CEACAM5: variants seen among roughly 807,000 people sequenced by gnomAD.
CEACAM5 encodes CEA cell adhesion molecule 5.
CEACAM5 carries 52 observed loss-of-function variants against 63.0 expected under a neutral mutation model. The observed-to-expected ratio is 0.83, with a 90% CI of 0.66 to 1.04. The LOEUF is 1.04. Among genes scored for constraint, CEACAM5 ranks in the 50% least tolerant of loss-of-function variants. CEACAM5 has a pLI of 0.00. For missense variants in CEACAM5, 790 were observed against 864.8 expected, an observed-to-expected ratio of 0.91 and a Z score of 1.08; for synonymous variants, 357 against 351.3, an observed-to-expected ratio of 1.02 and a Z score of -0.18.
intron 8 of CEACAM5, among the ~76,000 whole-genome samples, chr19:41,724,256 G>A (rs913232406): frequency 5.3e-5 from 8 of 152,112 alleles, no homozygotes; most frequent in East Asian, 1.9e-4. Flanking sequence ...TCTTGGCACC[G>A]TTATCAAAAA....
chr19:41,715,190 G>A lies in CEACAM5; in HGVS notation c.644G>A (p.Cys215Tyr). 6.2e-7 allele frequency: 1 copy of A among 1,614,222 alleles called. No homozygotes were observed. Residue 215 changes from cysteine (C) to tyrosine (Y), a missense_variant, in exon 3 of 10, where the codon TGT (cysteine) becomes TAT (tyrosine). By Grantham distance (194) the Cys-to-Tyr change is radical. Transcript: ENST00000221992. ...AGAAATGACACAGCAAGCTACAAAT[G>A]TGAAACCCAGAACCCAGTGAGTGCC... ...VTRNDTASYKCETQNPVSARR... is the reference protein window; with the variant it reads ...VTRNDTASYKYETQNPVSARR...
intron 7 of CEACAM5, among the ~76,000 whole-genome samples, 196 bp downstream of exon 7, chr19:41,720,404 C>T (rs959362015): frequency 3.9e-5 from 6 of 152,104 alleles, no homozygotes; most frequent in Admixed American, 2.0e-4. Flanking sequence ...AGAGGCTGCT[C>T]CTGTCCTAGG....
At position 41,708,766 on chromosome 19, in the gene CEACAM5, G is replaced by T. The variant is rs1555813344; in HGVS notation, c.35G>T (p.Cys12Phe). 1.9e-6 allele frequency: 3 copies of T among 1,611,908 alleles called. No homozygotes were observed. The highest frequency in any genetic ancestry group is 2.5e-6 in the Non-Finnish European group (3 of 1,178,980). The change falls in exon 1 of 10, where the codon TGC (cysteine) becomes TTC (phenylalanine). Residue 12 changes from cysteine to phenylalanine, a missense_variant. By Grantham distance (205) the Cys-to-Phe change is radical. Transcript: ENST00000221992. ...CCCTCGGCCCCTCCCCACAGATGGTGCATCCCCTGGCAGAGGCTCCTGCTC... is the reference window on the plus strand; with the variant it reads ...CCCTCGGCCCCTCCCCACAGATGGTTCATCCCCTGGCAGAGGCTCCTGCTC... ...ESPSAPPHRW[C>F]IPWQRLLLTA...
chr19:41,725,299 C>A (rs1278903242), intron 8 of CEACAM5, among the ~76,000 whole-genome samples: 1 of 150,580 alleles, frequency 6.6e-6, no homozygotes, highest in Non-Finnish European at 1.5e-5. Flanking sequence ...TCATAGCATT[C>A]TTGTAGTCCT....
rs1190065496 is a variant in CEACAM5 at position 41,729,734 on chromosome 19, T to C, written c.*587T>C. The C allele has an allele frequency of 2.0e-5, 3 of 152,212 alleles. No individual in the cohort carries two copies. The highest frequency in any genetic ancestry group is 7.2e-5 in the African/African-American group (3 of 41,456). 9.4% of individuals were successfully genotyped at this position (152,212 alleles called of 1,614,324 possible). A position where few individuals can be genotyped will look rare whatever the true frequency, so the allele number is the denominator to read the frequency against. ...TCTTGTTTCCCAGATTTCAGGAAAC[T>C]TTTTTTCTTTTAAGCTATCCACAGC... is the stretch of plus-strand genomic sequence containing the variant. On this transcript the variant is annotated 3_prime_UTR_variant, in exon 10 of 10. Coordinates refer to ENST00000221992, the MANE Select transcript of CEACAM5 (RefSeq NM_004363.6).
chr19:41,727,369 T>A lies in CEACAM5; in HGVS notation c.*36+17T>A, dbSNP rs544333947. 6.4e-6 allele frequency: 8 copies of A among 1,255,276 alleles called. No homozygotes were observed. The highest frequency in any genetic ancestry group is 9.3e-6 in the Non-Finnish European group (8 of 860,966). 77.8% of individuals were successfully genotyped at this position (1,255,276 alleles called of 1,614,324 possible). A position where few individuals can be genotyped will look rare whatever the true frequency, so the allele number is the denominator to read the frequency against. On this transcript the variant is annotated intron_variant, in intron 9 of 9. Coordinates refer to ENST00000221992, the MANE Select transcript of CEACAM5 (RefSeq NM_004363.6). ...GGAAGACTGGTAGGTATAATGGCCT[T>A]TCCTCTTGTTCTGTTTCCTGCAGTG...
At chr19:41,719,899 C>A (rs546517688) in intron 6 of CEACAM5, 31 bp from the exon 7 acceptor site, 2 of 1,612,704 alleles carry the variant, frequency 1.2e-6, no homozygotes, top group Admixed American at 3.3e-5. Context: ...AAGTGCCACA[C>A]AGGGCAATCT....
At position 41,719,898 on chromosome 19, in the gene CEACAM5, A is replaced by G. The variant is rs202082072; in HGVS notation, c.1493-32A>G. The stretch of plus-strand genomic sequence containing the variant: ...GCCTGTGAGGAATCAAAAGTGCCAC[A>G]CAGGGCAATCTTCTCTCTGTTATCT... On this transcript the variant is annotated intron_variant, in intron 6 of 9. Transcript: ENST00000221992. 1.1e-4 allele frequency: 184 copies of G among 1,612,834 alleles called. 1 individual carries two copies. In the Middle Eastern group the frequency reaches 2.6e-3, roughly 23 times the overall value.
At chr19:41,711,680 T>C (rs2072437932) in intron 2 of CEACAM5, among the ~76,000 whole-genome samples, 1 of 152,178 alleles carries the variant, frequency 6.6e-6, no homozygotes, top group Non-Finnish European at 1.5e-5. Flanking sequence ...CCGAGGTCAC[T>C]ATACCCCGCA....
intron 1 of CEACAM5, 50 bp from the exon 2 acceptor site, chr19:41,709,630 C>A: frequency 6.4e-7 from 1 of 1,568,946 alleles, no homozygotes; most frequent in Non-Finnish European, 8.6e-7. Context: ...CATTTTTCCA[C>A]CCTAATGCAT....
At position 41,720,958 on chromosome 19, in the gene CEACAM5, C is replaced by T. The variant is rs781903049; in HGVS notation, c.1808C>T (p.Ser603Leu). The change falls in exon 8 of 10, where the codon TCG becomes TTG. Residue 603 changes from serine (S) to leucine (L), a missense_variant. Ser to Leu is a moderately radical substitution (Grantham distance 145, BLOSUM62 -2). Transcript: ENST00000221992. Reference protein sequence around the residue: ...PDTPIISPPDSSYLSGANLNL... With the variant: ...PDTPIISPPDLSYLSGANLNL... Reference sequence around the variant, plus strand: ...ACCCCCATCATTTCCCCCCCAGACTCGTCTTACCTTTCGGGAGCGAACCTC... The same window carrying T: ...ACCCCCATCATTTCCCCCCCAGACTTGTCTTACCTTTCGGGAGCGAACCTC... 1 of 1,614,092 alleles carries T rather than the reference C, an allele frequency of 6.2e-7. No homozygotes were observed.
In CEACAM5 at chr19:41,708,696, T is replaced by C. The variant is rs782583505; in HGVS notation, c.-36T>C. Reference sequence around the variant, plus strand: ...AAAACGTTCCTGGAACTCAAGCTCTTCTCCACAGAGGAGGACAGAGCAGAC... The same window carrying C: ...AAAACGTTCCTGGAACTCAAGCTCTCCTCCACAGAGGAGGACAGAGCAGAC... On this transcript the variant is annotated 5_prime_UTR_variant, in exon 1 of 10. Coordinates refer to ENST00000221992, the MANE Select transcript of CEACAM5 (RefSeq NM_004363.6). 2.0e-5 allele frequency: 31 copies of C among 1,589,442 alleles called. No individual in the cohort carries two copies. Among genetic ancestry groups the C allele is most frequent in the Non-Finnish European group, 2.7e-5 (31 of 1,162,966 alleles).
At chr19:41,725,389 A>G (rs2072686178) in intron 8 of CEACAM5, among the ~76,000 whole-genome samples, 1 of 149,040 alleles carries the variant, frequency 6.7e-6, no homozygotes. Flanking sequence ...TTTAAGAGAC[A>G]GGGTCTCACT....
Position 41,715,710 on chromosome 19 carries a change from T to G in CEACAM5, c.764T>G (p.Leu255Arg). The part of the protein sequence containing the change: ...LNTSYRSGEN[L>R]NLSCHAASNP... ...ACATCTTACAGATCAGGGGAAAATC[T>G]GAACCTCTCCTGCCACGCAGCCTCT... The change falls in exon 4 of 10, where the codon CTG becomes CGG. Residue 255 changes from leucine (L) to arginine (R), a missense_variant. Transcript: ENST00000221992. 1 of 1,614,206 alleles carries G rather than the reference T, an allele frequency of 6.2e-7. No individual in the cohort carries two copies. Among genetic ancestry groups the G allele is most frequent in the African/African-American group, 1.3e-5 (1 of 75,046 alleles).
At chr19:41,717,431 A>G (rs782440789) in intron 4 of CEACAM5, 24 bp from the exon 5 acceptor site, 1 of 1,600,744 alleles carries the variant, frequency 6.2e-7, no homozygotes, top group Non-Finnish European at 8.5e-7. Flanking sequence ...ACACAGGGCA[A>G]TCTTCTCTCT....
In CEACAM5 at chr19:41,715,771, G is replaced by A; in HGVS notation, c.825G>A (p.Gly275=). Residue 275 remains glycine, a synonymous_variant, in exon 4 of 10, where the codon GGG becomes GGA. Transcript: ENST00000221992. The part of the protein sequence containing the change: ...PPAQYSWFVN[G]TFQQSTQELF... ...CACAGTACTCTTGGTTTGTCAATGG[G>A]ACTTTCCAGCAATCCACCCAAGAGC... is the stretch of plus-strand genomic sequence containing the variant. 1 of 1,614,138 alleles carries A rather than the reference G, an allele frequency of 6.2e-7. No individual in the cohort carries two copies. Among genetic ancestry groups the A allele is most frequent in the Non-Finnish European group, 8.5e-7 (1 of 1,180,036 alleles).
intron 3 of CEACAM5, 150 bp downstream of exon 3, chr19:41,715,399 T>G (rs1568703550): frequency 7.7e-7 from 1 of 1,303,328 alleles, no homozygotes; most frequent in Admixed American, 1.9e-5. Context: ...CAGAAAAACC[T>G]GGGCAGACCA....
intron 8 of CEACAM5, among the ~76,000 whole-genome samples, chr19:41,724,147 T>C (rs1483645422): frequency 4.6e-5 from 7 of 152,204 alleles, no homozygotes; most frequent in Non-Finnish European, 8.8e-5. Flanking sequence ...TTAATTTGCA[T>C]ATATGGTATC....
chr19:41,714,569 A>T (rs564393433), intron 2 of CEACAM5, among the ~76,000 whole-genome samples: 18 of 152,342 alleles, frequency 1.2e-4, no homozygotes, highest in African/African-American at 4.3e-4. Context: ...CAGAAAAAAT[A>T]TACCTAGGGA....
Sources: allele counts gnomAD v4.1 joint callset (sites outside exome capture counted in the v4.1 genomes callset), GRCh38; gene constraint gnomAD v4.1.1; transcripts MANE v1.5; gene names NCBI Gene and HGNC (gene_info 2026-07-23, HGNC 2026-07-21).